The following MUC7 variants were observed in gnomAD, a reference collection of about 807,000 sequenced individuals.
The protein encoded by MUC7 is mucin-7.
MUC7 carries 2 observed loss-of-function variants against 2.5 expected under a neutral mutation model. The observed-to-expected ratio is 0.81, with a 90% CI of 0.33 to 2.55. The LOEUF is 2.55. Among genes scored for constraint, MUC7 ranks in the 30% most tolerant of loss-of-function variants. The pLI is 0.11. For synonymous variants in MUC7, 133 were observed against 173.4 expected (o/e 0.77, Z 1.83); for missense variants, 408 against 455.6 (o/e 0.90, Z 0.95).
intron 1 of MUC7, among the ~76,000 whole-genome samples, chr4:70,449,628 G>A (rs1159074302): frequency 2.6e-5 from 4 of 152,190 alleles, no homozygotes; most frequent in African/African-American, 4.8e-5. Flanking sequence ...AAAGGACTTG[G>A]GTATTGTGGT....
At chr4:70,448,646 G>A (rs774453721) in intron 1 of MUC7, among the ~76,000 whole-genome samples, 4 of 152,034 alleles carry the variant, frequency 2.6e-5, no homozygotes, top group African/African-American at 4.8e-5. Flanking sequence ...AGAGTTGTTT[G>A]AACACATTAT....
At chr4:70,468,207 C>A (rs1476564198), upstream of MUC7, among the ~76,000 whole-genome samples, 1 of 152,016 alleles carries the variant, frequency 6.6e-6, no homozygotes, top group Non-Finnish European at 1.5e-5. Context: ...AATTAAACAC[C>A]CCTTCATGCT....
chr4:70,458,760 C>T (rs748343043), intron 1 of MUC7, among the ~76,000 whole-genome samples: 4 of 151,862 alleles, frequency 2.6e-5, no homozygotes, highest in Admixed American at 1.3e-4. Flanking sequence ...AACAAAAATT[C>T]TCAGATTATT....
intron 1 of MUC7, among the ~76,000 whole-genome samples, chr4:70,431,317 A>T (rs1733658593): frequency 6.6e-6 from 1 of 152,166 alleles, no homozygotes; most frequent in African/African-American, 2.4e-5. Flanking sequence ...AGTCAATTCA[A>T]CAAAACTGTG....
chr4:70,459,714 ATTGT>A (rs1011351611), intron 1 of MUC7, among the ~76,000 whole-genome samples: 11 of 152,194 alleles, frequency 7.2e-5, no homozygotes, highest in African/African-American at 2.4e-4. Context: ...CAAAGTAGGA[ATTGT>A]TTGTTTAGCC....
upstream of MUC7, among the ~76,000 whole-genome samples, chr4:70,467,600 T>C (rs900693202): frequency 2.0e-5 from 3 of 152,106 alleles, no homozygotes; most frequent in African/African-American, 7.2e-5. Flanking sequence ...CCCATAGAAA[T>C]ACAAACTACC....
Position 70,434,112 on chromosome 4 carries a change from A to G in MUC7, c.-93+3425A>G, listed in dbSNP as rs186175050. ...GGTAAGCTTCTTGATGTGCTGCTGGATTAAGTTTGCCAGTATTTTATTGAG... is the reference window on the plus strand; with the variant it reads ...GGTAAGCTTCTTGATGTGCTGCTGGGTTAAGTTTGCCAGTATTTTATTGAG... On this transcript the variant is annotated intron_variant, in intron 1 of 3. Transcript: ENST00000413702. 1.4e-4 allele frequency among the ~76,000 whole-genome samples: 22 copies of G among 152,260 alleles called. No homozygotes were observed. In the East Asian group the frequency reaches 4.2e-3, roughly 29 times the overall value.
intron 1 of MUC7, among the ~76,000 whole-genome samples, chr4:70,454,484 C>T (rs2109718755): frequency 6.6e-6 from 1 of 152,294 alleles, no homozygotes; most frequent in Non-Finnish European, 1.5e-5. Flanking sequence ...CTCCTCCCTC[C>T]TGCAAGGACT....
chr4:70,433,614 G>C (rs764649712), intron 1 of MUC7, among the ~76,000 whole-genome samples: 3 of 152,172 alleles, frequency 2.0e-5, no homozygotes, highest in Non-Finnish European at 4.4e-5. Flanking sequence ...ATCAGCTTAA[G>C]GAGATTTTGG....
intron 1 of MUC7, among the ~76,000 whole-genome samples, chr4:70,457,687 T>C (rs1175728312): frequency 6.6e-6 from 1 of 152,060 alleles, no homozygotes; most frequent in Non-Finnish European, 1.5e-5. Context: ...GTAATGAATA[T>C]GTTTCTGAAA....
intron 1 of MUC7, among the ~76,000 whole-genome samples, chr4:70,440,293 T>C (rs1733969290): frequency 6.6e-6 from 1 of 152,210 alleles, no homozygotes; most frequent in Non-Finnish European, 1.5e-5. Flanking sequence ...TTGATTTAGC[T>C]GCAGAATTTC....
chr4:70,434,049 C>T (rs1733754043), intron 1 of MUC7, among the ~76,000 whole-genome samples: 1 of 151,888 alleles, frequency 6.6e-6, no homozygotes, highest in Non-Finnish European at 1.5e-5. Flanking sequence ...GTTGAACCAG[C>T]CTTGCATCAC....
At position 70,437,225 on chromosome 4, in the gene MUC7, C is replaced by A. The variant is rs1733867765; in HGVS notation, c.-93+6538C>A. Among the ~76,000 whole-genome samples, 4 of 152,234 alleles carry A rather than the reference C, an allele frequency of 2.6e-5. No individual in the cohort carries two copies. In the South Asian group the frequency reaches 8.3e-4, roughly 32 times the overall value. On this transcript the variant is annotated intron_variant, in intron 1 of 3. Coordinates refer to the MUC7 transcript ENST00000413702. ...GAATGCCGTGCTGGAAGAACCACTG[C>A]TCTCTTCAGAGCTGTCAGGCAGGGA...
chr4:70,477,781 T>C (rs1735048409), intron 2 of MUC7, among the ~76,000 whole-genome samples: 1 of 152,194 alleles, frequency 6.6e-6, no homozygotes, highest in African/African-American at 2.4e-5. Flanking sequence ...ATTAAATAAA[T>C]TTGTATTTGT....
intron 1 of MUC7, among the ~76,000 whole-genome samples, chr4:70,432,616 GC>G (rs1223349330): frequency 6.6e-6 from 1 of 152,112 alleles, no homozygotes; most frequent in African/African-American, 2.4e-5. Context: ...ATTTGTTTAA[GC>G]TCTTTGTAGA....
At chr4:70,456,465 T>C (rs1263072644) in intron 1 of MUC7, among the ~76,000 whole-genome samples, 2 of 152,154 alleles carry the variant, frequency 1.3e-5, no homozygotes, top group Non-Finnish European at 2.9e-5. Flanking sequence ...TGGTTCTGCA[T>C]GACTGGGAGC....
chr4:70,441,044 T>C (rs12498483), intron 1 of MUC7, among the ~76,000 whole-genome samples: 101,531 of 152,014 alleles, frequency 0.67, 34,192 homozygotes, highest in Admixed American at 0.77. Flanking sequence ...GAGTAAACTA[T>C]AAAGATTGGA....
At chr4:70,468,525 C>A (rs1241540913), upstream of MUC7, among the ~76,000 whole-genome samples, 3 of 152,138 alleles carry the variant, frequency 2.0e-5, no homozygotes, top group Admixed American at 2.0e-4. Flanking sequence ...CTTCTCAGCC[C>A]AAAATCTCCT....
At position 70,481,827 on chromosome 4, in the gene MUC7, A is replaced by G; in HGVS notation, c.1083A>G (p.Leu361=). Residue 361 remains leucine, a synonymous_variant, in exon 3 of 3, where the codon TTA becomes TTG. Transcript: ENST00000304887. ...AAAATAAAATTTCTCGATTTCTTTT[A>G]TATATGAAGAATCTACTAAACAGAA... ...PGQNKISRFL[L]YMKNLLNRII... The G allele has an allele frequency of 6.2e-7, 1 of 1,614,130 alleles. No homozygotes were observed. The highest frequency in any genetic ancestry group is 1.1e-5 in the South Asian group (1 of 91,090).
Sources: gnomAD v4.1 joint callset for allele counts (sites outside exome capture counted in the v4.1 genomes callset) on GRCh38, gnomAD v4.1.1 for gene constraint, MANE v1.5 for transcripts, NCBI Gene and HGNC (gene_info 2026-07-23, HGNC 2026-07-21) for gene names.